KIAA0825: variants seen among roughly 807,000 people sequenced by gnomAD.
The protein encoded by KIAA0825 is uncharacterized protein KIAA0825.
A neutral mutation model predicts 147.6 loss-of-function variants in KIAA0825; 119 were observed. That is an observed-to-expected ratio of 0.81 (90% CI 0.69 to 0.94). The LOEUF (loss-of-function observed/expected upper bound fraction) is 0.94, where lower values mean the gene tolerates loss of function less well. KIAA0825 is among the 40% of genes least tolerant of loss of function. The pLI, the probability that KIAA0825 is intolerant of heterozygous loss-of-function variation, is 0.00. For synonymous variants in KIAA0825, 470 were observed against 518.1 expected (o/e 0.91, Z 1.26); for missense variants, 1,381 against 1,472.7 (o/e 0.94, Z 1.02).
Position 94,248,889 on chromosome 5 carries a change from C to A in KIAA0825, c.3711-94765G>T, listed in dbSNP as rs555968542. On this transcript the variant is annotated intron_variant, in intron 20 of 20. Coordinates refer to ENST00000682413, the MANE Select transcript of KIAA0825 (RefSeq NM_001145678.3). ...CCTGCAATTTCAGCCTGCTATGAACCATTGAAATTGCCATTTTCTAGGTAA... is the reference window on the plus strand; with the variant it reads ...CCTGCAATTTCAGCCTGCTATGAACAATTGAAATTGCCATTTTCTAGGTAA... 2.6e-5 allele frequency among the ~76,000 whole-genome samples: 4 copies of A among 152,140 alleles called. No homozygotes were observed. The South Asian group carries it at 8.3e-4, about 32-fold the overall frequency.
intron 20 of KIAA0825, among the ~76,000 whole-genome samples, chr5:94,281,061 T>G (rs1777438125): frequency 6.6e-6 from 1 of 152,140 alleles, no homozygotes; most frequent in Non-Finnish European, 1.5e-5. Flanking sequence ...TTTGCTTTAG[T>G]AGATTTGTAA....
chr5:94,549,380 A>C (rs1031417892), intron 2 of KIAA0825, among the ~76,000 whole-genome samples: 1 of 152,206 alleles, frequency 6.6e-6, no homozygotes, highest in African/African-American at 2.4e-5. Context: ...CAAATTAAAA[A>C]ATTTCTTGAA....
At chr5:94,472,875 G>A (rs904217745) in intron 8 of KIAA0825, among the ~76,000 whole-genome samples, 3 of 152,208 alleles carry the variant, frequency 2.0e-5, no homozygotes, top group African/African-American at 7.2e-5. Flanking sequence ...AAGCACATAT[G>A]GAGATGTAAG....
rs572924597 is a variant in KIAA0825, at chr5:94,470,809, G to A, written c.1721+657C>T. Among the ~76,000 whole-genome samples the A allele has an allele frequency of 1.7e-4, 26 of 152,126 alleles. No homozygotes were observed. In the East Asian group the frequency reaches 4.6e-3, roughly 27 times the overall value. On this transcript the variant is annotated intron_variant, in intron 9 of 20. Coordinates refer to ENST00000682413, the MANE Select transcript of KIAA0825 (RefSeq NM_001145678.3). ...GATAAAGAATATAGAATAGATTCTCGGGGTCACACAGGACTGCTAAGTCTA... is the reference window on the plus strand; with the variant it reads ...GATAAAGAATATAGAATAGATTCTCAGGGTCACACAGGACTGCTAAGTCTA...
Position 94,594,648 on chromosome 5 carries a change from T to C in KIAA0825, c.-152-12065A>G, listed in dbSNP as rs192379515. ...TATCCTTCACATAAAAGGAAAATCTTCTATGAAAAAATGACATTTGGAATT... is the reference window on the plus strand; with the variant it reads ...TATCCTTCACATAAAAGGAAAATCTCCTATGAAAAAATGACATTTGGAATT... On this transcript the variant is annotated intron_variant, in intron 1 of 20. Transcript: ENST00000682413. The C allele has an allele frequency of 4.8e-6, 3 of 628,612 alleles. No individual in the cohort carries two copies. In the East Asian group the frequency reaches 9.5e-5, roughly 20 times the overall value. 38.9% of individuals were successfully genotyped at this position (628,612 alleles called of 1,614,324 possible).
At chr5:94,188,713 T>A (rs1770387783) in intron 20 of KIAA0825, among the ~76,000 whole-genome samples, 1 of 150,804 alleles carries the variant, frequency 6.6e-6, no homozygotes, top group African/African-American at 2.4e-5. Flanking sequence ...TTGGTTGTTA[T>A]GTATAATGCT....
chr5:94,498,499 T>C (rs1392061112), intron 5 of KIAA0825, among the ~76,000 whole-genome samples: 1 of 152,250 alleles, frequency 6.6e-6, no homozygotes, highest in Non-Finnish European at 1.5e-5. Flanking sequence ...TGCTCAGGTC[T>C]CCAGAATCCT....
intron 20 of KIAA0825, among the ~76,000 whole-genome samples, chr5:94,157,802 A>G (rs766412829): frequency 6.6e-6 from 1 of 152,158 alleles, no homozygotes; most frequent in Non-Finnish European, 1.5e-5. Flanking sequence ...GGTTTCAAGG[A>G]TGACTGTGTG....
At chr5:94,483,739 C>G (rs914237363) in intron 6 of KIAA0825, among the ~76,000 whole-genome samples, 1 of 151,690 alleles carries the variant, frequency 6.6e-6, no homozygotes, top group Non-Finnish European at 1.5e-5. Flanking sequence ...GGCCAGTAAA[C>G]TATGTTTAAT....
At chr5:94,428,979 A>C (rs1755280773) in intron 14 of KIAA0825, among the ~76,000 whole-genome samples, 1 of 152,074 alleles carries the variant, frequency 6.6e-6, no homozygotes, top group Non-Finnish European at 1.5e-5. Flanking sequence ...TAATTGGTCT[A>C]GTCTATTGAT....
At chr5:94,529,378 T>A (rs1770258237) in intron 3 of KIAA0825, among the ~76,000 whole-genome samples, 2 of 143,268 alleles carry the variant, frequency 1.4e-5, no homozygotes, top group South Asian at 2.1e-4. Context: ...TGTATATATC[T>A]CATATATGTA....
At chr5:94,466,506 T>C (rs1415090935) in intron 10 of KIAA0825, among the ~76,000 whole-genome samples, 1 of 151,866 alleles carries the variant, frequency 6.6e-6, no homozygotes, top group Non-Finnish European at 1.5e-5. Context: ...GATCACGACG[T>C]CAGGAGATCG....
intron 12 of KIAA0825, among the ~76,000 whole-genome samples, chr5:94,456,075 AG>A (rs2150925997): frequency 1.3e-5 from 2 of 152,312 alleles, no homozygotes; most frequent in South Asian, 4.1e-4. Flanking sequence ...GCAGTCTCAA[AG>A]GAAGAGAAAG....
intron 2 of KIAA0825, among the ~76,000 whole-genome samples, chr5:94,543,743 C>T (rs1207055316): frequency 6.6e-6 from 1 of 152,108 alleles, no homozygotes; most frequent in Non-Finnish European, 1.5e-5. Flanking sequence ...GGATTAAGGG[C>T]TAAGGGATAA....
chr5:94,604,673 C>G (rs1258514905), intron 1 of KIAA0825, among the ~76,000 whole-genome samples: 4 of 152,018 alleles, frequency 2.6e-5, no homozygotes, highest in African/African-American at 7.3e-5. Flanking sequence ...GAAATAAAGG[C>G]AGAAATCAAA....
chr5:94,483,751 T>C (rs1330049505), intron 6 of KIAA0825, among the ~76,000 whole-genome samples: 1 of 151,850 alleles, frequency 6.6e-6, no homozygotes, highest in African/African-American at 2.4e-5. Context: ...ATGTTTAATG[T>C]AAAACAAAAT....
rs1179311015 is a variant in KIAA0825 at position 94,152,821 on chromosome 5, GAAAAAAA to G, written c.*1179_*1185del. On this transcript the variant is annotated 3_prime_UTR_variant, in exon 21 of 21. Transcript: ENST00000682413. ...CAGAGCAAGACCCTGTTTCTAAAAT[GAAAAAAA>G]AAAAAAAAAAAAAAAAAAAAAAAAA... The G allele has an allele frequency of 0.021, 41 of 1,992 alleles. No homozygotes were observed. The highest frequency in any genetic ancestry group is 0.13 in the East Asian group (12 of 94). 0.1% of individuals were successfully genotyped at this position (1,992 alleles called of 1,614,324 possible).
intron 2 of KIAA0825, among the ~76,000 whole-genome samples, chr5:94,543,261 T>A (rs1426770136): frequency 6.6e-6 from 1 of 152,048 alleles, no homozygotes; most frequent in African/African-American, 2.4e-5. Flanking sequence ...CTGGCCAACA[T>A]GGCAAAACCT....
At chr5:94,596,431 T>G (rs1031821970) in intron 1 of KIAA0825, among the ~76,000 whole-genome samples, 1 of 152,192 alleles carries the variant, frequency 6.6e-6, no homozygotes. Flanking sequence ...TCCTTCTCCA[T>G]TGGTCTATGT....
Sources: gnomAD v4.1 joint callset for allele counts (sites outside exome capture counted in the v4.1 genomes callset) on GRCh38, gnomAD v4.1.1 for gene constraint, MANE v1.5 for transcripts, NCBI Gene and HGNC (gene_info 2026-07-23, HGNC 2026-07-21) for gene names.